The following CDC42SE2 variants were observed in gnomAD, a reference collection of about 807,000 sequenced individuals.
CDC42SE2 encodes the protein CDC42 small effector 2, also known as CDC42 small effector protein 2.
Under a neutral mutation model 11.5 loss-of-function variants are expected in CDC42SE2, and 3 were observed. The ratio of observed to expected loss-of-function variants is 0.26; its 90% CI spans 0.12 to 0.67. The LOEUF is 0.67. Among genes scored for constraint, CDC42SE2 ranks in the 30% least tolerant of loss-of-function variants. The pLI, the probability that CDC42SE2 is intolerant of heterozygous loss-of-function variation, is 0.80. For missense variants in CDC42SE2, 82 were observed against 106.8 expected (o/e 0.77, Z 1.02); for synonymous variants, 33 against 34.8 (o/e 0.95, Z 0.18).
At chr5:131,281,710 A>G (rs1322749630) in intron 1 of CDC42SE2, among the ~76,000 whole-genome samples, 3 of 152,194 alleles carry the variant, frequency 2.0e-5, no homozygotes, top group Non-Finnish European at 4.4e-5. Context: ...CTGATTTTCC[A>G]TAGTCATTTA....
chr5:131,297,515 C>T (rs1021811127), intron 1 of CDC42SE2, among the ~76,000 whole-genome samples: 25 of 152,026 alleles, frequency 1.6e-4, no homozygotes, highest in Middle Eastern at 3.4e-3. Context: ...GTCAGGAGAT[C>T]GAGACCATCC....
chr5:131,354,444 C>T (rs1339987491), intron 2 of CDC42SE2, among the ~76,000 whole-genome samples: 1 of 152,046 alleles, frequency 6.6e-6, no homozygotes, highest in Non-Finnish European at 1.5e-5. Context: ...TTATAAGTTT[C>T]CTTGCTTTAA....
At chr5:131,381,433 C>T (rs781586755) in intron 3 of CDC42SE2, among the ~76,000 whole-genome samples, 9 of 152,024 alleles carry the variant, frequency 5.9e-5, no homozygotes, top group Non-Finnish European at 1.2e-4. Context: ...AAACGATTCT[C>T]CTGTCTCTGC....
intron 3 of CDC42SE2, among the ~76,000 whole-genome samples, chr5:131,366,982 G>A (rs1242524253): frequency 1.3e-5 from 2 of 151,778 alleles, no homozygotes; most frequent in African/African-American, 4.8e-5. Context: ...AGCCAGGATC[G>A]CATCCCTGCA....
intron 2 of CDC42SE2, among the ~76,000 whole-genome samples, chr5:131,319,264 G>A (rs1758111685): frequency 6.6e-6 from 1 of 152,058 alleles, no homozygotes; most frequent in African/African-American, 2.4e-5. Flanking sequence ...TTCCAAGCCT[G>A]TAGTTCACCA....
chr5:131,281,353 C>T (rs779882057), intron 1 of CDC42SE2, among the ~76,000 whole-genome samples: 7 of 152,132 alleles, frequency 4.6e-5, no homozygotes, highest in African/African-American at 9.7e-5. Context: ...TTGATGTGGC[C>T]TTTTCTACTG....
intron 2 of CDC42SE2, among the ~76,000 whole-genome samples, chr5:131,327,842 C>T (rs1435436883): frequency 6.6e-6 from 1 of 152,154 alleles, no homozygotes; most frequent in African/African-American, 2.4e-5. Flanking sequence ...TACATACAAA[C>T]ACCATATTAT....
intron 2 of CDC42SE2, among the ~76,000 whole-genome samples, chr5:131,348,487 A>G (rs1224665789): frequency 6.6e-6 from 1 of 152,198 alleles, no homozygotes; most frequent in African/African-American, 2.4e-5. Context: ...CAATGAAATA[A>G]AAGGGGATAC....
chr5:131,355,301 A>G (rs1357067462), intron 2 of CDC42SE2, among the ~76,000 whole-genome samples: 1 of 152,132 alleles, frequency 6.6e-6, no homozygotes, highest in African/African-American at 2.4e-5. Context: ...ACATAGTGAG[A>G]CCCTGTCTCT....
chr5:131,343,428 A>G (rs932720941), intron 2 of CDC42SE2, among the ~76,000 whole-genome samples: 1 of 152,122 alleles, frequency 6.6e-6, no homozygotes, highest in African/African-American at 2.4e-5. Context: ...AGAGATGGAA[A>G]AGGCCCAGGC....
intron 1 of CDC42SE2, among the ~76,000 whole-genome samples, chr5:131,301,467 A>C (rs545765199): frequency 2.0e-5 from 3 of 152,256 alleles, no homozygotes; most frequent in African/African-American, 7.2e-5. Flanking sequence ...TCAATTAAAA[A>C]ATTTTAAAAG....
At chr5:131,369,167 T>C (rs1040880400) in intron 3 of CDC42SE2, among the ~76,000 whole-genome samples, 2 of 152,224 alleles carry the variant, frequency 1.3e-5, no homozygotes, top group Non-Finnish European at 1.5e-5. Context: ...TGTTTTAACT[T>C]TAAATGGAGT....
intron 1 of CDC42SE2, among the ~76,000 whole-genome samples, chr5:131,265,293 C>A (rs1032669508): frequency 5.9e-5 from 9 of 152,000 alleles, no homozygotes; most frequent in African/African-American, 2.2e-4. Context: ...GGCCTTATTT[C>A]TAATCTTTAA....
chr5:131,351,821 T>A (rs993398781), intron 2 of CDC42SE2, among the ~76,000 whole-genome samples: 1 of 152,218 alleles, frequency 6.6e-6, no homozygotes, highest in Non-Finnish European at 1.5e-5. Context: ...ATAAAACTTA[T>A]GCATAAGACA....
At chr5:131,350,644 T>C (rs1394621838) in intron 2 of CDC42SE2, among the ~76,000 whole-genome samples, 1 of 151,514 alleles carries the variant, frequency 6.6e-6, no homozygotes, top group Non-Finnish European at 1.5e-5. Context: ...TGTGTATATA[T>C]ATATGTATAT....
At chr5:131,304,174 G>A (rs1381911218) in intron 1 of CDC42SE2, among the ~76,000 whole-genome samples, 1 of 151,466 alleles carries the variant, frequency 6.6e-6, no homozygotes, top group Admixed American at 6.6e-5. Context: ...TGTAGAAATG[G>A]GGTCTCTCTA....
chr5:131,345,584 T>A (rs1350597956), intron 2 of CDC42SE2, among the ~76,000 whole-genome samples: 3 of 152,160 alleles, frequency 2.0e-5, no homozygotes, highest in African/African-American at 7.2e-5. Context: ...TGCAGGGTAT[T>A]ATTCAGGAGA....
At chr5:131,310,599 A>T (rs1406525336) in intron 1 of CDC42SE2, among the ~76,000 whole-genome samples, 16 of 151,260 alleles carry the variant, frequency 1.1e-4, no homozygotes, top group Non-Finnish European at 2.1e-4. Context: ...TTTGTAGGTC[A>T]CTCAGGACTT....
intron 1 of CDC42SE2, among the ~76,000 whole-genome samples, chr5:131,287,259 T>G (rs1306919405): frequency 6.6e-6 from 1 of 152,188 alleles, no homozygotes; most frequent in Non-Finnish European, 1.5e-5. Flanking sequence ...CCTCCCAAAG[T>G]GCTGGGATTA....
Sources: allele counts gnomAD v4.1 joint callset (sites outside exome capture counted in the v4.1 genomes callset), GRCh38; gene constraint gnomAD v4.1.1; transcripts MANE v1.5; gene names NCBI Gene and HGNC (gene_info 2026-07-23, HGNC 2026-07-21).